RNF43: variants seen among roughly 807,000 people sequenced by gnomAD.
RNF43 encodes the protein ring finger protein 43, also known as E3 ubiquitin-protein ligase RNF43.
In RNF43, 37 loss-of-function variants were observed where a neutral mutation model predicts 78.4. The ratio of observed to expected loss-of-function variants is 0.47; its 90% CI spans 0.36 to 0.62. The LOEUF is 0.62. RNF43 is among the 20% of genes least tolerant of loss of function. The pLI is 0.00. For missense variants in RNF43, 774 were observed against 1,007.9 expected (o/e 0.77, Z 3.14); for synonymous variants, 347 against 395.0 (o/e 0.88, Z 1.44).
At position 58,353,765 on chromosome 17, in the gene RNF43, TG is replaced by T. The variant is rs1338459267; in HGVS notation, c.*1177del. On this transcript the variant is annotated 3_prime_UTR_variant, in exon 10 of 10. Transcript: ENST00000407977. ...TCTGGTTCAGATATAAATACCCATG[TG>T]GGTACCTAGGTGCTAGTCTCCCCAC... The T allele has an allele frequency of 4.9e-6, 1 of 205,976 alleles. No individual in the cohort carries two copies. The highest frequency in any genetic ancestry group is 2.3e-5 in the African/African-American group (1 of 43,768). The allele number at this position is 205,976 out of a possible 1,614,324, so 12.8% of individuals were successfully genotyped here.
At chr17:58,401,094 GA>G (rs1386205612) in intron 2 of RNF43, among the ~76,000 whole-genome samples, 1 of 152,082 alleles carries the variant, frequency 6.6e-6, no homozygotes. Flanking sequence ...ATATGTTCCT[GA>G]TCTATTTTGG....
chr17:58,363,428 A>G (rs2143470956), intron 4 of RNF43, 22 bp from the exon 5 acceptor site: 1 of 1,614,120 alleles, frequency 6.2e-7, no homozygotes. Context: ...AAGTGCCCAC[A>G]GGGCTGCTGT....
At position 58,358,116 on chromosome 17, in the gene RNF43, G is replaced by A. The variant is rs372129321; in HGVS notation, c.1660C>T (p.Arg554Trp). Residue 554 changes from arginine to tryptophan, a missense_variant, in exon 9 of 10, where the codon CGG becomes TGG. Arg to Trp is a moderately radical substitution (Grantham distance 101). Transcript: ENST00000407977. This position sits in a 1 kb window ranked among gnomAD's most constrained non-coding sequence, Gnocchi z 6.2. Reference sequence around the variant, plus strand: ...AACCGCTTTTTGTAGTGGTGGTGCCGGTGGCGGTGGTAGTGGACATGGCTG... The same window carrying A: ...AACCGCTTTTTGTAGTGGTGGTGCCAGTGGCGGTGGTAGTGGACATGGCTG... ...VSSHVHYHRHRHHHYKKRFQW... is the reference protein window; with the variant it reads ...VSSHVHYHRHWHHHYKKRFQW... 9.7e-5 allele frequency: 157 copies of A among 1,612,836 alleles called. No homozygotes were observed. The highest frequency in any genetic ancestry group is 2.8e-4 in the Admixed American group (17 of 59,766).
intron 2 of RNF43, among the ~76,000 whole-genome samples, chr17:58,405,244 A>G (rs1973880867): frequency 1.3e-5 from 2 of 151,230 alleles, no homozygotes; most frequent in South Asian, 4.2e-4. Flanking sequence ...TGCCCAGTTA[A>G]TTTTTTGTAT....
rs2143695936 is a variant in RNF43 at position 58,415,442 on chromosome 17, C to T, written c.136G>A (p.Ala46Thr). Residue 46 changes from alanine (A) to threonine (T), a missense_variant, in exon 2 of 10, where the codon GCT (alanine) becomes ACT (threonine). Physicochemically the swap from Ala to Thr is moderately conservative, Grantham distance 58 (BLOSUM62 0). Coordinates refer to ENST00000407977, the MANE Select transcript of RNF43 (RefSeq NM_017763.6). ...VESERSAEQK[A>T]IIRVIPLKMD... ...TTCAAGGGGATCACTCTGATAATAG[C>T]TTTCTGTTCTGCTGATCTTTCAGAC... 2.5e-6 allele frequency: 4 copies of T among 1,614,200 alleles called. No homozygotes were observed. Among genetic ancestry groups the T allele is most frequent in the Non-Finnish European group, 3.4e-6 (4 of 1,180,032 alleles).
rs115803058 is a variant in RNF43, at chr17:58,354,727, G to A, written c.*216C>T. 11,123 of 590,738 alleles carry A rather than the reference G, an allele frequency of 0.019. 178 individuals are homozygous for A. Among genetic ancestry groups the A allele is most frequent in the Middle Eastern group, 0.058 (132 of 2,290 alleles). 36.6% of individuals were successfully genotyped at this position (590,738 alleles called of 1,614,324 possible). On this transcript the variant is annotated 3_prime_UTR_variant, in exon 10 of 10. Transcript: ENST00000407977. The stretch of plus-strand genomic sequence containing the variant: ...TGGCTGGACATGGATTTGCTGCACT[G>A]CAGATGTTTTCTGCAGACAAGGTCT...
At position 58,358,180 on chromosome 17, in the gene RNF43, G is replaced by A. The variant is rs1255888656; in HGVS notation, c.1596C>T (p.Ser532=). 7 of 1,612,374 alleles carry A rather than the reference G, an allele frequency of 4.3e-6. No homozygotes were observed. The Admixed American group carries it at 5.0e-5, about 12-fold the overall frequency. ...CCCCTGTGGGCACCACCGAGTCCAA[G>A]GAACGAGGCCGAGAGGTCACACTAG... ...MQPSVTSRPR[S]LDSVVPTGET... The change falls in exon 9 of 10, where the codon TCC becomes TCT. Residue 532 remains serine, a synonymous_variant. Transcript: ENST00000407977. The surrounding 1 kb of genome is among the most constrained non-coding windows in gnomAD (Gnocchi z 6.2).
At chr17:58,356,886 CTTTTTTTTTTTTT>C (rs150378896) in intron 9 of RNF43, 10 of 144,124 alleles carry the variant, frequency 6.9e-5, no homozygotes, top group Non-Finnish European at 1.0e-4. Flanking sequence ...CCAAATGCCT[CTTTTTTTTTTTTT>C]TTTTTTTTTT....
At chr17:58,364,021 G>C (rs1306756411) in intron 3 of RNF43, among the ~76,000 whole-genome samples, 2 of 152,172 alleles carry the variant, frequency 1.3e-5, no homozygotes, top group Non-Finnish European at 2.9e-5. Flanking sequence ...AGGAAGAAGG[G>C]GACAGCAGAG....
intron 9 of RNF43, among the ~76,000 whole-genome samples, chr17:58,355,807 G>A (rs1598123761): frequency 6.6e-6 from 1 of 152,214 alleles, no homozygotes; most frequent in African/African-American, 2.4e-5. Flanking sequence ...CATACTGGAT[G>A]GGCAGCACTC....
chr17:58,383,056 G>A (rs1973355249), intron 2 of RNF43, among the ~76,000 whole-genome samples: 1 of 152,218 alleles, frequency 6.6e-6, no homozygotes, highest in African/African-American at 2.4e-5. Flanking sequence ...TCAGGCCATA[G>A]TGTCAGCTGT....
intron 2 of RNF43, among the ~76,000 whole-genome samples, chr17:58,399,102 G>A (rs1405146023): frequency 1.3e-5 from 2 of 152,172 alleles, no homozygotes; most frequent in Non-Finnish European, 2.9e-5. Context: ...GATAATAATG[G>A]TAATTCAGTT....
At chr17:58,389,206 G>C (rs28567653) in intron 2 of RNF43, among the ~76,000 whole-genome samples, 59 of 152,140 alleles carry the variant, frequency 3.9e-4, no homozygotes, top group African/African-American at 1.4e-3. Context: ...TAGTTAAAAG[G>C]AGAAGGAATT....
In RNF43 at chr17:58,357,402, C is replaced by T. The variant is rs2143381332; in HGVS notation, c.2308+66G>A. The T allele has an allele frequency of 6.3e-6, 10 of 1,598,372 alleles. No individual in the cohort carries two copies. The highest frequency in any genetic ancestry group is 6.9e-6 in the Non-Finnish European group (8 of 1,165,720). On this transcript the variant is annotated intron_variant, in intron 9 of 9. Transcript: ENST00000407977. This position sits in a 1 kb window ranked among gnomAD's most constrained non-coding sequence, Gnocchi z 4.5. Reference sequence around the variant, plus strand: ...ATCAACCCTTTGTTGGCTGACTTCACCTGTCCTGAAATATTCAGCTGTAGT... The same window carrying T: ...ATCAACCCTTTGTTGGCTGACTTCATCTGTCCTGAAATATTCAGCTGTAGT...
At chr17:58,376,857 C>T (rs1023816279) in intron 2 of RNF43, among the ~76,000 whole-genome samples, 1 of 152,096 alleles carries the variant, frequency 6.6e-6, no homozygotes, top group Non-Finnish European at 1.5e-5. Flanking sequence ...GTTAGGACAC[C>T]ACTGTCTCAC....
At position 58,357,676 on chromosome 17, in the gene RNF43, G is replaced by C. The variant is rs2143390102; in HGVS notation, c.2100C>G (p.Ile700Met). ...TCTTGTCCAGGCCTGGAGGTCCACA[G>C]ATCAAGGGGTGTGCCTCTGGGGACC... ...YPWSPEAHPL[I>M]CGPPGLDKRL... is the part of the protein sequence containing the mutation. Residue 700 changes from isoleucine (I) to methionine (M), a missense_variant, in exon 9 of 10, where the codon ATC becomes ATG. By Grantham distance (10) the Ile-to-Met change is conservative. Coordinates refer to ENST00000407977, the MANE Select transcript of RNF43 (RefSeq NM_017763.6). This position sits in a 1 kb window ranked among gnomAD's most constrained non-coding sequence, Gnocchi z 4.5. 6.2e-7 allele frequency: 1 copy of C among 1,612,998 alleles called. No homozygotes were observed. Among genetic ancestry groups the C allele is most frequent in the Non-Finnish European group, 8.5e-7 (1 of 1,179,352 alleles).
intron 2 of RNF43, among the ~76,000 whole-genome samples, chr17:58,399,259 G>A (rs1973745201): frequency 1.3e-5 from 2 of 151,978 alleles, no homozygotes; most frequent in African/African-American, 4.8e-5. Context: ...ACAAAACACT[G>A]AACACAGATT....
In RNF43 at chr17:58,386,199, G is replaced by A. The variant is rs533653191; in HGVS notation, c.253-15166C>T. On this transcript the variant is annotated intron_variant, in intron 2 of 9. Transcript: ENST00000407977. ...TCCCAGCACTTTGGGAGGCCAAGGT[G>A]GGAGGATCACAAGGTTAGGAGTTCG... Among the ~76,000 whole-genome samples, 16 of 152,232 alleles carry A rather than the reference G, an allele frequency of 1.1e-4. No individual in the cohort carries two copies. In the South Asian group the frequency reaches 2.5e-3, roughly 24 times the overall value.
At position 58,354,274 on chromosome 17, in the gene RNF43, T is replaced by G. The variant is rs1301244015; in HGVS notation, c.*669A>C. 2 of 201,852 alleles carry G rather than the reference T, an allele frequency of 9.9e-6. No homozygotes were observed. Among genetic ancestry groups the G allele is most frequent in the East Asian group, 1.5e-4 (2 of 13,150 alleles). 12.5% of individuals were successfully genotyped at this position (201,852 alleles called of 1,614,324 possible). A position where few individuals can be genotyped will look rare whatever the true frequency, so the allele number is the denominator to read the frequency against. Reference sequence around the variant, plus strand: ...GGAGGAGTTTTTCCCTCCCCACTATTCTTATTCTCAACCCCCAGAGGAACC... The same window carrying G: ...GGAGGAGTTTTTCCCTCCCCACTATGCTTATTCTCAACCCCCAGAGGAACC... On this transcript the variant is annotated 3_prime_UTR_variant, in exon 10 of 10. Transcript: ENST00000407977.
Sources: allele counts gnomAD v4.1 joint callset (sites outside exome capture counted in the v4.1 genomes callset), GRCh38; gene constraint gnomAD v4.1.1; non-coding constraint Gnocchi (gnomAD v3.1); transcripts MANE v1.5; gene names NCBI Gene and HGNC (gene_info 2026-07-23, HGNC 2026-07-21).